The following KDM4C variants were observed in gnomAD, a reference collection of about 807,000 sequenced individuals.
KDM4C encodes lysine-specific demethylase 4C.
In KDM4C, 81 loss-of-function variants were observed where a neutral mutation model predicts 129.3. The ratio of observed to expected loss-of-function variants is 0.63; its 90% confidence interval spans 0.52 to 0.75. KDM4C has a LOEUF of 0.75. Ranked by LOEUF, KDM4C falls within the 30% of genes least tolerant of loss-of-function variation. The pLI is 0.00. For missense variants in KDM4C, 1,457 were observed against 1,304.0 expected, an observed-to-expected ratio of 1.12 and a Z score of -1.81; for synonymous variants, 573 against 456.1, an observed-to-expected ratio of 1.26 and a Z score of -3.26.
intron 9 of KDM4C, 50 bp downstream of exon 9, chr9:6,981,168 G>A (rs764148403): frequency 1.4e-6 from 2 of 1,446,860 alleles, no homozygotes; most frequent in Non-Finnish European, 1.9e-6. Flanking sequence ...TGTTTTCTCA[G>A]TTAAAATGGG....
At chr9:7,081,454 C>T (rs765515849) in intron 17 of KDM4C, among the ~76,000 whole-genome samples, 1 of 152,160 alleles carries the variant, frequency 6.6e-6, no homozygotes, top group East Asian at 1.9e-4. Context: ...ACCAAACTCA[C>T]CGTGTGTGAG....
chr9:6,732,906 G>A (rs1162637914), intron 1 of KDM4C, among the ~76,000 whole-genome samples: 11 of 152,290 alleles, frequency 7.2e-5, no homozygotes, highest in African/African-American at 1.2e-4. Flanking sequence ...CCAGCTACTG[G>A]GGAGGCTGAG....
chr9:6,758,975 G>C lies in KDM4C; in HGVS notation c.-18+772G>C, dbSNP rs1460180065. Among the ~76,000 whole-genome samples, 1 of 152,182 alleles carries C rather than the reference G, an allele frequency of 6.6e-6. No homozygotes were observed. The highest frequency in any genetic ancestry group is 2.4e-5 in the African/African-American group (1 of 41,442). On this transcript the variant is annotated intron_variant, in intron 1 of 21. Coordinates refer to ENST00000381309, the MANE Select transcript of KDM4C (RefSeq NM_015061.6). The surrounding 1 kb of genome is among the most constrained non-coding windows in gnomAD (Gnocchi z 4.6). ...CAGCCGGGATTCAGATGCTTTCCGC[G>C]TGGACTTGATGCTGGGCTCCCCCTT...
rs149931957 is a variant in KDM4C at position 7,083,494 on chromosome 9, C to G, written c.2425-20191C>G. Among the ~76,000 whole-genome samples the G allele has an allele frequency of 1.3e-3, 191 of 152,298 alleles. 2 individuals are homozygous for G. Among genetic ancestry groups the G allele is most frequent in the African/African-American group, 4.4e-3 (183 of 41,564 alleles). Reference sequence around the variant, plus strand: ...CTTGATGGCATAGACTACTACACATCTAGGCTATATGGTATAGCCTATTGC... The same window carrying G: ...CTTGATGGCATAGACTACTACACATGTAGGCTATATGGTATAGCCTATTGC... On this transcript the variant is annotated intron_variant, in intron 17 of 21. Coordinates refer to ENST00000381309, the MANE Select transcript of KDM4C (RefSeq NM_015061.6).
At chr9:6,802,674 C>T (rs1197862945) in intron 2 of KDM4C, among the ~76,000 whole-genome samples, 1 of 152,190 alleles carries the variant, frequency 6.6e-6, no homozygotes, top group South Asian at 2.1e-4. Context: ...GTCACTCAGG[C>T]TGTAGTGCAG....
upstream of KDM4C, chr9:6,757,664 A>C: frequency 1.0e-6 from 1 of 985,502 alleles, no homozygotes. Context: ...GTCGGCGCCC[A>C]GGAGGACGTG....
chr9:6,924,811 C>T (rs1227343386), intron 8 of KDM4C: 7 of 978,812 alleles, frequency 7.2e-6, no homozygotes, highest in African/African-American at 1.8e-5. Flanking sequence ...TTGGTTTCTG[C>T]ATTCCACTTT....
At chr9:7,113,090 G>C (rs1377318961) in intron 18 of KDM4C, among the ~76,000 whole-genome samples, 2 of 152,062 alleles carry the variant, frequency 1.3e-5, no homozygotes, top group Non-Finnish European at 2.9e-5. Context: ...TATTGACAAA[G>C]AGAGATTTCT....
intron 20 of KDM4C, among the ~76,000 whole-genome samples, chr9:7,166,305 A>G (rs1216713419): frequency 2.6e-5 from 4 of 151,516 alleles, no homozygotes; most frequent in African/African-American, 4.8e-5. Context: ...AGTGCATTGT[A>G]AGATACTGCG....
At chr9:6,995,355 A>T (rs913276273) in intron 12 of KDM4C, among the ~76,000 whole-genome samples, 1 of 151,414 alleles carries the variant, frequency 6.6e-6, no homozygotes, top group African/African-American at 2.4e-5. Flanking sequence ...AGGCACAGAC[A>T]CACACACACA....
chr9:6,846,260 C>T (rs540483541), intron 4 of KDM4C, among the ~76,000 whole-genome samples: 1 of 152,344 alleles, frequency 6.6e-6, no homozygotes, highest in East Asian at 1.9e-4. Flanking sequence ...TCATTACCAT[C>T]TACTTCTAGC....
chr9:6,914,136 C>T (rs1223245253), intron 8 of KDM4C, among the ~76,000 whole-genome samples: 31 of 152,124 alleles, frequency 2.0e-4, no homozygotes, highest in Admixed American at 1.4e-3. Flanking sequence ...CTCGGCTCAC[C>T]GCAACCTCTG....
chr9:7,021,155 TA>T (rs2132256108), intron 15 of KDM4C, among the ~76,000 whole-genome samples: 2 of 146,778 alleles, frequency 1.4e-5, no homozygotes, highest in African/African-American at 2.6e-5. Context: ...TATATATATG[TA>T]TTTTTTTTTT....
At chr9:6,971,562 A>C (rs957772680) in intron 8 of KDM4C, among the ~76,000 whole-genome samples, 2 of 152,228 alleles carry the variant, frequency 1.3e-5, no homozygotes, top group African/African-American at 4.8e-5. Context: ...GATTCATTAC[A>C]TCAATGATGA....
At chr9:6,831,188 A>G (rs1388965979) in intron 4 of KDM4C, among the ~76,000 whole-genome samples, 1 of 152,130 alleles carries the variant, frequency 6.6e-6, no homozygotes, top group Non-Finnish European at 1.5e-5. Context: ...GTCAGACAAT[A>G]TTCTGCTGCC....
chr9:6,968,442 T>G (rs1831388015), intron 8 of KDM4C, among the ~76,000 whole-genome samples: 1 of 152,236 alleles, frequency 6.6e-6, no homozygotes, highest in Non-Finnish European at 1.5e-5. Context: ...GCCTCTGTTG[T>G]AGGAACTTTG....
intron 14 of KDM4C, among the ~76,000 whole-genome samples, chr9:7,015,121 T>C (rs913066884): frequency 1.3e-5 from 2 of 152,172 alleles, no homozygotes; most frequent in African/African-American, 4.8e-5. Flanking sequence ...GGTTTTTTCC[T>C]TGGGAAATTA....
At chr9:7,131,760 A>AGTTTCATCAGGACGTAAG (rs1564158118) in intron 19 of KDM4C, among the ~76,000 whole-genome samples, 1 of 151,974 alleles carries the variant, frequency 6.6e-6, no homozygotes, top group African/African-American at 2.4e-5. Context: ...CAGGACGTAA[A>AGTTTCATCAGGACGTAAG]AAAAAAATGT....
upstream of KDM4C, chr9:6,757,639 C>T: frequency 1.0e-6 from 1 of 985,498 alleles, no homozygotes; most frequent in Non-Finnish European, 1.2e-6. Context: ...GCGTCGGAGG[C>T]CGCCATAGGT....
Sources: allele counts gnomAD v4.1 joint callset (sites outside exome capture counted in the v4.1 genomes callset), GRCh38; gene constraint gnomAD v4.1.1; non-coding constraint Gnocchi (gnomAD v3.1); transcripts MANE v1.5; gene names NCBI Gene and HGNC (gene_info 2026-07-23, HGNC 2026-07-21).